Variants in KCNAB1 observed in about 807,000 individuals in gnomAD.
KCNAB1 encodes potassium voltage-gated channel subfamily A regulatory beta subunit 1.
Under a neutral mutation model 64.6 loss-of-function variants are expected in KCNAB1, and 35 were observed. That is an observed-to-expected ratio of 0.54 (90% CI 0.41 to 0.72). KCNAB1 has a LOEUF of 0.72. Among genes scored for constraint, KCNAB1 ranks in the 30% least tolerant of loss-of-function variants. The pLI is 0.00. For synonymous variants in KCNAB1, 177 were observed against 183.8 expected (o/e 0.96, Z 0.30); for missense variants, 401 against 512.9 (o/e 0.78, Z 2.11).
chr3:156,254,043 A>G lies in KCNAB1; in HGVS notation c.275+133157A>G, dbSNP rs550386015. Among the ~76,000 whole-genome samples, 11 of 152,310 alleles carry G rather than the reference A, an allele frequency of 7.2e-5. No homozygotes were observed. In the South Asian group the frequency reaches 2.3e-3, roughly 32 times the overall value. On this transcript the variant is annotated intron_variant, in intron 1 of 13. Coordinates refer to ENST00000490337, the MANE Select transcript of KCNAB1 (RefSeq NM_172160.3). ...CCTTGCTTCTGGAGGTTGATGTGTA[A>G]GGACACAATGCCCTCTGCAACCAGA... is the stretch of plus-strand genomic sequence containing the variant.
chr3:156,516,068 T>C (rs775648175), intron 10 of KCNAB1, among the ~76,000 whole-genome samples: 3 of 148,068 alleles, frequency 2.0e-5, no homozygotes, highest in Non-Finnish European at 2.9e-5. Flanking sequence ...AGTCCATGTT[T>C]AATTGGCTGA....
chr3:156,454,367 A>G (rs1464161738), intron 3 of KCNAB1, among the ~76,000 whole-genome samples: 1 of 152,208 alleles, frequency 6.6e-6, no homozygotes, highest in Non-Finnish European at 1.5e-5. Context: ...GGGACAACAT[A>G]AAGGACTGGG....
intron 1 of KCNAB1, among the ~76,000 whole-genome samples, chr3:156,206,450 C>T (rs1269138611): frequency 6.6e-6 from 1 of 152,164 alleles, no homozygotes; most frequent in Non-Finnish European, 1.5e-5. Context: ...CAAGGAGAAC[C>T]TTCCTGAGGC....
intron 8 of KCNAB1, among the ~76,000 whole-genome samples, chr3:156,513,885 C>G (rs1429207886): frequency 5.9e-5 from 9 of 152,204 alleles, no homozygotes; most frequent in Non-Finnish European, 1.2e-4. Context: ...AGTCACCTCT[C>G]TTAGAGACCC....
chr3:156,372,804 AGGT>A (rs1386052582), intron 1 of KCNAB1, among the ~76,000 whole-genome samples: 1 of 152,212 alleles, frequency 6.6e-6, no homozygotes, highest in Non-Finnish European at 1.5e-5. Context: ...GGGAATGCCA[AGGT>A]GAGGCTGTGA....
chr3:156,516,392 C>T (rs1431302904), intron 11 of KCNAB1, 28 bp downstream of exon 11: 2 of 1,503,612 alleles, frequency 1.3e-6, no homozygotes, highest in Non-Finnish European at 1.9e-6. Context: ...TAGAAAAAAG[C>T]CTGGGAGTAG....
chr3:156,237,556 T>A (rs1499056), intron 1 of KCNAB1, among the ~76,000 whole-genome samples: 86,780 of 151,972 alleles, frequency 0.57, 25,442 homozygotes, highest in East Asian at 0.9. Context: ...TTTTGTAACT[T>A]GTAAACACAA....
chr3:156,141,375 T>C (rs1486452671), intron 1 of KCNAB1, among the ~76,000 whole-genome samples: 1 of 152,226 alleles, frequency 6.6e-6, no homozygotes, highest in Non-Finnish European at 1.5e-5. Flanking sequence ...ATCCCACCTC[T>C]ACACTTTTAT....
intron 8 of KCNAB1, among the ~76,000 whole-genome samples, chr3:156,502,598 A>G (rs1217445566): frequency 6.6e-6 from 1 of 151,944 alleles, no homozygotes; most frequent in Non-Finnish European, 1.5e-5. Context: ...TCAGAAACTT[A>G]GGTGACAAGA....
chr3:156,270,326 A>AT (rs201194053), intron 1 of KCNAB1, among the ~76,000 whole-genome samples: 183 of 147,536 alleles, frequency 1.2e-3, no homozygotes, highest in African/African-American at 4.1e-3. Context: ...CCATTTTGCT[A>AT]TTTTTTTTTC....
intron 1 of KCNAB1, among the ~76,000 whole-genome samples, chr3:156,334,520 C>T (rs1037207865): frequency 6.6e-6 from 1 of 152,162 alleles, no homozygotes; most frequent in African/African-American, 2.4e-5. Context: ...TTATCTCAGC[C>T]TCAGTTTCTG....
At position 156,472,959 on chromosome 3, in the gene KCNAB1, TCTC is replaced by T. The variant is rs534914990; in HGVS notation, c.572-1772_572-1770del. 4.9e-4 allele frequency among the ~76,000 whole-genome samples: 74 copies of T among 152,290 alleles called. No homozygotes were observed. In the South Asian group the frequency reaches 0.014, roughly 29 times the overall value. On this transcript the variant is annotated intron_variant, in intron 7 of 13. Transcript: ENST00000490337. ...CAGTGCCAAGTTATTTGTAGCCTCT[TCTC>T]CTAGTTACTCTCAGCCCACACTGAG...
At chr3:156,212,194 T>C (rs1056837279) in intron 1 of KCNAB1, among the ~76,000 whole-genome samples, 3 of 152,258 alleles carry the variant, frequency 2.0e-5, no homozygotes, top group Non-Finnish European at 4.4e-5. Flanking sequence ...GAACAGAGGC[T>C]GTGTGCAGAC....
At chr3:156,231,617 T>A (rs1281074285) in intron 1 of KCNAB1, among the ~76,000 whole-genome samples, 1 of 151,198 alleles carries the variant, frequency 6.6e-6, no homozygotes, top group African/African-American at 2.4e-5. Context: ...TTAGGTCTTA[T>A]AAGAAACATT....
chr3:156,231,087 C>T (rs1438297850), intron 1 of KCNAB1, among the ~76,000 whole-genome samples: 1 of 152,300 alleles, frequency 6.6e-6, no homozygotes. Flanking sequence ...TTCCATCCTC[C>T]TCTTACAGAT....
intron 8 of KCNAB1, among the ~76,000 whole-genome samples, chr3:156,499,307 A>G (rs1576943917): frequency 6.6e-6 from 1 of 152,102 alleles, no homozygotes; most frequent in Non-Finnish European, 1.5e-5. Flanking sequence ...TTCAAAGGGG[A>G]CCCATTTTTC....
At chr3:156,396,776 A>G (rs1576814601) in intron 1 of KCNAB1, among the ~76,000 whole-genome samples, 1 of 152,202 alleles carries the variant, frequency 6.6e-6, no homozygotes, top group Non-Finnish European at 1.5e-5. Context: ...CTGGGGGTGG[A>G]CCACAGTCAT....
chr3:156,148,227 A>G (rs1715171789), intron 1 of KCNAB1, among the ~76,000 whole-genome samples: 1 of 152,264 alleles, frequency 6.6e-6, no homozygotes, highest in South Asian at 2.1e-4. Flanking sequence ...TTGCCCCTAC[A>G]GCATTGACCA....
At chr3:156,133,071 G>C (rs536768792) in intron 1 of KCNAB1, among the ~76,000 whole-genome samples, 1 of 152,142 alleles carries the variant, frequency 6.6e-6, no homozygotes, top group Non-Finnish European at 1.5e-5. Flanking sequence ...ACATTTCGTA[G>C]CTTAGTCTTC....
Sources: gnomAD v4.1 joint callset for allele counts (sites outside exome capture counted in the v4.1 genomes callset) on GRCh38, gnomAD v4.1.1 for gene constraint, MANE v1.5 for transcripts, NCBI Gene and HGNC (gene_info 2026-07-23, HGNC 2026-07-21) for gene names.